BABAM2: variants seen among roughly 807,000 people sequenced by gnomAD.
The protein encoded by BABAM2 is BRISC and BRCA1-A complex member 2.
In BABAM2, 31 loss-of-function variants were observed where a neutral mutation model predicts 54.7. That is an observed-to-expected ratio of 0.57 (90% CI 0.43 to 0.77). BABAM2 has a LOEUF of 0.77. Ranked by LOEUF, BABAM2 falls within the 30% of genes least tolerant of loss-of-function variation. BABAM2 has a pLI of 0.00. For synonymous variants in BABAM2, 167 were observed against 162.9 expected, an observed-to-expected ratio of 1.03 and a Z score of -0.19; for missense variants, 364 against 455.8, an observed-to-expected ratio of 0.80 and a Z score of 1.83.
intron 5 of BABAM2, among the ~76,000 whole-genome samples, chr2:28,031,870 G>C (rs908712771): frequency 6.6e-6 from 1 of 152,118 alleles, no homozygotes; most frequent in African/African-American, 2.4e-5. Context: ...ACATATATGG[G>C]GAATAGAATT....
intron 3 of BABAM2, among the ~76,000 whole-genome samples, chr2:27,968,164 AG>A (rs1323517895): frequency 6.6e-6 from 1 of 152,206 alleles, no homozygotes; most frequent in Non-Finnish European, 1.5e-5. Context: ...ACAGGCCCAG[AG>A]GCCTAGGGGT....
intron 6 of BABAM2, among the ~76,000 whole-genome samples, chr2:28,111,480 A>C (rs957553292): frequency 1.3e-5 from 2 of 152,088 alleles, no homozygotes; most frequent in Non-Finnish European, 2.9e-5. Flanking sequence ...TTTTTATGCA[A>C]ATAGTTTTAA....
chr2:27,941,579 G>A (rs1668890483), intron 3 of BABAM2, among the ~76,000 whole-genome samples: 2 of 151,808 alleles, frequency 1.3e-5, no homozygotes, highest in South Asian at 2.1e-4. Context: ...GAGCAATATA[G>A]TTGTTTATCA....
chr2:28,203,426 G>T (rs528336533), intron 7 of BABAM2, among the ~76,000 whole-genome samples: 1 of 152,286 alleles, frequency 6.6e-6, no homozygotes, highest in East Asian at 1.9e-4. Context: ...TCTTGTGTGA[G>T]GGTGGGTGTC....
At chr2:28,261,783 C>CCCCTT (rs1684564253) in intron 10 of BABAM2, among the ~76,000 whole-genome samples, 1 of 147,414 alleles carries the variant, frequency 6.8e-6, no homozygotes, top group African/African-American at 2.5e-5. Context: ...CCCCTCCCCT[C>CCCCTT]CCCTTCCCTT....
At chr2:27,969,951 G>GA (rs1671090214) in intron 3 of BABAM2, among the ~76,000 whole-genome samples, 1 of 152,178 alleles carries the variant, frequency 6.6e-6, no homozygotes, top group South Asian at 2.1e-4. Context: ...GTGGGAGGAC[G>GA]AAGGGAGTAT....
chr2:28,237,103 G>A (rs1403427741), intron 7 of BABAM2, 99 bp from the exon 8 acceptor site: 3 of 893,176 alleles, frequency 3.4e-6, no homozygotes, highest in Non-Finnish European at 5.5e-6. Context: ...GCAGTTGGTG[G>A]CCAGACTTTG....
chr2:27,952,641 A>G (rs1430144431), intron 3 of BABAM2, among the ~76,000 whole-genome samples: 1 of 152,078 alleles, frequency 6.6e-6, no homozygotes, highest in Non-Finnish European at 1.5e-5. Flanking sequence ...GATATTTGAG[A>G]CAGAAGTTGG....
At chr2:28,098,388 T>C (rs1309144580) in intron 6 of BABAM2, among the ~76,000 whole-genome samples, 1 of 152,238 alleles carries the variant, frequency 6.6e-6, no homozygotes, top group East Asian at 1.9e-4. Context: ...TGGATTTTTA[T>C]CCTGCAACTT....
At chr2:28,114,392 G>T (rs781615637) in intron 6 of BABAM2, among the ~76,000 whole-genome samples, 1 of 152,042 alleles carries the variant, frequency 6.6e-6, no homozygotes, top group Non-Finnish European at 1.5e-5. Flanking sequence ...AGAGTCTAAC[G>T]AATTCATTCT....
At chr2:28,180,229 A>G (rs766894395) in intron 7 of BABAM2, among the ~76,000 whole-genome samples, 1 of 152,172 alleles carries the variant, frequency 6.6e-6, no homozygotes, top group Non-Finnish European at 1.5e-5. Flanking sequence ...TTACAAGACT[A>G]TGGTAATCAA....
intron 4 of BABAM2, among the ~76,000 whole-genome samples, chr2:28,021,010 A>T (rs969851076): frequency 6.7e-5 from 10 of 149,418 alleles, no homozygotes; most frequent in African/African-American, 7.6e-5. Flanking sequence ...GTATGAGTTT[A>T]CAATTCCTTG....
chr2:28,202,608 A>C (rs769444803), intron 7 of BABAM2, among the ~76,000 whole-genome samples: 37 of 152,142 alleles, frequency 2.4e-4, no homozygotes, highest in Non-Finnish European at 4.9e-4. Flanking sequence ...AGTTTATGCG[A>C]TGGGAACATT....
intron 6 of BABAM2, among the ~76,000 whole-genome samples, chr2:28,066,621 C>T (rs1002040367): frequency 2.0e-5 from 3 of 152,138 alleles, no homozygotes; most frequent in African/African-American, 7.2e-5. Context: ...TGAACTGGGG[C>T]TGGAGGATGC....
chr2:28,204,763 A>G lies in BABAM2; in HGVS notation c.681-32439A>G, dbSNP rs557841501. Among the ~76,000 whole-genome samples, 4 of 152,282 alleles carry G rather than the reference A, an allele frequency of 2.6e-5. No individual in the cohort carries two copies. The East Asian group carries it at 5.8e-4, about 22-fold the overall frequency. On this transcript the variant is annotated intron_variant, in intron 7 of 11. Transcript: ENST00000379624. ...GTACATTTATTATCTCATTCAGTCT[A>G]TGCATCAACCTTATCAGGTAGTTAT... is the stretch of plus-strand genomic sequence containing the variant.
chr2:28,072,567 A>G (rs1241440302), intron 6 of BABAM2, among the ~76,000 whole-genome samples: 1 of 152,040 alleles, frequency 6.6e-6, no homozygotes, highest in Non-Finnish European at 1.5e-5. Context: ...TTGTATTTTT[A>G]GTAGAGACGG....
chr2:27,949,873 A>C (rs1354554503), intron 3 of BABAM2, among the ~76,000 whole-genome samples: 1 of 152,082 alleles, frequency 6.6e-6, no homozygotes, highest in African/African-American at 2.4e-5. Flanking sequence ...GTTTGTTTTC[A>C]TTGTGCTGTT....
At chr2:28,057,479 A>T (rs1313277097) in intron 6 of BABAM2, among the ~76,000 whole-genome samples, 2 of 151,960 alleles carry the variant, frequency 1.3e-5, no homozygotes, top group Non-Finnish European at 2.9e-5. Context: ...ATGGGATGTG[A>T]TCACTACAGG....
intron 11 of BABAM2, among the ~76,000 whole-genome samples, chr2:28,336,266 G>A (rs766823474): frequency 6.6e-6 from 1 of 152,228 alleles, no homozygotes; most frequent in Non-Finnish European, 1.5e-5. Flanking sequence ...TGAATTCACC[G>A]TAGGGGTTTA....
Sources: allele counts gnomAD v4.1 joint callset (sites outside exome capture counted in the v4.1 genomes callset), GRCh38; gene constraint gnomAD v4.1.1; transcripts MANE v1.5; gene names NCBI Gene and HGNC (gene_info 2026-07-23, HGNC 2026-07-21).